SFI1: variants seen among roughly 807,000 people sequenced by gnomAD.
SFI1 encodes protein SFI1 homolog.
Under a neutral mutation model 207.5 loss-of-function variants are expected in SFI1, and 195 were observed. The observed-to-expected ratio is 0.94, with a 90% CI of 0.84 to 1.06. SFI1 has a LOEUF of 1.06. Among genes scored for constraint, SFI1 ranks in the 50% least tolerant of loss-of-function variants. SFI1 has a pLI of 0.00. For synonymous variants in SFI1, 630 were observed against 598.9 expected (o/e 1.05, Z -0.76); for missense variants, 1,634 against 1,588.0 (o/e 1.03, Z -0.49).
chr22:31,599,270 A>G (rs1418955650), intron 15 of SFI1, among the ~76,000 whole-genome samples: 1 of 151,906 alleles, frequency 6.6e-6, no homozygotes, highest in Non-Finnish European at 1.5e-5. Context: ...ATGACGTAGG[A>G]GTCAAGGTTT....
At chr22:31,524,779 C>T (rs1377364916) in intron 2 of SFI1, among the ~76,000 whole-genome samples, 1 of 149,856 alleles carries the variant, frequency 6.7e-6, no homozygotes, top group Non-Finnish European at 1.5e-5. Flanking sequence ...ATAGTTTGCA[C>T]ATATTTTTTA....
intron 31 of SFI1, among the ~76,000 whole-genome samples, chr22:31,617,912 G>C (rs1380646099): frequency 6.6e-6 from 1 of 152,158 alleles, no homozygotes; most frequent in East Asian, 1.9e-4. Context: ...TGTCTGCTGG[G>C]GAGGGCGGAG....
At chr22:31,517,860 C>A (rs1469398269) in intron 2 of SFI1, among the ~76,000 whole-genome samples, 4 of 152,146 alleles carry the variant, frequency 2.6e-5, no homozygotes, top group African/African-American at 7.2e-5. Flanking sequence ...AGCCTGATAT[C>A]TAAGTAAGAC....
intron 6 of SFI1, among the ~76,000 whole-genome samples, chr22:31,552,374 T>G (rs953708823): frequency 2.0e-5 from 3 of 152,080 alleles, no homozygotes; most frequent in Admixed American, 2.0e-4. Context: ...TGCCTCAGCC[T>G]CTCAAGTACC....
chr22:31,514,611 T>G (rs2146863666), intron 2 of SFI1, among the ~76,000 whole-genome samples: 1 of 152,204 alleles, frequency 6.6e-6, no homozygotes, highest in African/African-American at 2.4e-5. Context: ...TCCTAGCCTT[T>G]GGTAACCACC....
chr22:31,540,470 C>T (rs978544988), intron 4 of SFI1, among the ~76,000 whole-genome samples: 1 of 151,496 alleles, frequency 6.6e-6, no homozygotes, highest in Non-Finnish European at 1.5e-5. Context: ...CTAGTAAAGA[C>T]GGGGTTTCAC....
chr22:31,541,936 A>G lies in SFI1; in HGVS notation c.339-4925A>G, dbSNP rs562430040. On this transcript the variant is annotated intron_variant, in intron 4 of 32. Transcript: ENST00000400288. ...GCTAACATGGTGAAACCCCGTCTCT[A>G]CTAAAAATACAAAAATTAGCTGGGC... is the stretch of plus-strand genomic sequence containing the variant. Among the ~76,000 whole-genome samples, 4 of 151,446 alleles carry G rather than the reference A, an allele frequency of 2.6e-5. No homozygotes were observed. The East Asian group carries it at 7.8e-4, about 30-fold the overall frequency.
At chr22:31,538,072 A>G (rs1309562358) in intron 4 of SFI1, among the ~76,000 whole-genome samples, 1 of 152,150 alleles carries the variant, frequency 6.6e-6, no homozygotes, top group African/African-American at 2.4e-5. Flanking sequence ...CCCGGGTTCA[A>G]GCAATTCTCC....
chr22:31,555,821 C>T (rs2061105659), intron 6 of SFI1, among the ~76,000 whole-genome samples: 2 of 152,306 alleles, frequency 1.3e-5, no homozygotes, highest in Admixed American at 6.5e-5. Flanking sequence ...CTGAGGTCCA[C>T]AGTGAAACCA....
At chr22:31,612,976 G>C (rs1363173631) in intron 24 of SFI1, 166 bp from the exon 25 acceptor site, 14 of 651,528 alleles carry the variant, frequency 2.1e-5, no homozygotes, top group Non-Finnish European at 3.1e-5. Context: ...GATGGAGCGT[G>C]TGTTGAGCAT....
chr22:31,593,949 C>G (rs1371000344), intron 15 of SFI1, among the ~76,000 whole-genome samples: 1 of 132,494 alleles, frequency 7.5e-6, no homozygotes, highest in Non-Finnish European at 1.6e-5. Flanking sequence ...AGTCCAGCTT[C>G]GGCTCCGCAT....
chr22:31,613,222 T>G lies in SFI1; in HGVS notation c.2565+6T>G, dbSNP rs959200170. Reference sequence around the variant, plus strand: ...CCTTCTCGCTGCAGGCAAAGGTAATTGGGGCTCTGCATCCTACCATCCCTG... The same window carrying G: ...CCTTCTCGCTGCAGGCAAAGGTAATGGGGGCTCTGCATCCTACCATCCCTG... On this transcript the variant is annotated splice_donor_region_variant and intron_variant, in intron 25 of 32. Coordinates refer to ENST00000400288, the MANE Select transcript of SFI1 (RefSeq NM_001007467.3). 1.2e-6 allele frequency: 2 copies of G among 1,613,500 alleles called. No individual in the cohort carries two copies. Among genetic ancestry groups the G allele is most frequent in the Admixed American group, 1.7e-5 (1 of 59,998 alleles).
At chr22:31,519,603 AT>A (rs2056967513) in intron 2 of SFI1, among the ~76,000 whole-genome samples, 1 of 151,740 alleles carries the variant, frequency 6.6e-6, no homozygotes, top group Non-Finnish European at 1.5e-5. Flanking sequence ...CGCCCAGCTA[AT>A]TTTTTGTATT....
At chr22:31,610,942 C>T (rs2069995798) in intron 22 of SFI1, among the ~76,000 whole-genome samples, 1 of 152,208 alleles carries the variant, frequency 6.6e-6, no homozygotes, top group African/African-American at 2.4e-5. Flanking sequence ...GTTCCAGTCC[C>T]CGGGGGGTTC....
intron 17 of SFI1, among the ~76,000 whole-genome samples, chr22:31,602,997 C>T (rs1172690673): frequency 2.6e-5 from 4 of 152,220 alleles, no homozygotes; most frequent in Admixed American, 2.6e-4. Flanking sequence ...CTTTGGGAGG[C>T]TGAGGCGGGC....
chr22:31,607,967 G>C lies in SFI1; in HGVS notation c.2188G>C (p.Val730Leu), dbSNP rs764895114. ...GGTCCAGTGGCGGGAAGCTGTGTCA[G>C]TGCAGATGTATTACCGACAGCAGGA... ...VLVQWREAVS[V>L]QMYYRQQEDC... The change falls in exon 22 of 33, where the codon GTG (valine) becomes CTG (leucine). Residue 730 changes from valine to leucine, a missense_variant. Val to Leu is a conservative substitution (Grantham distance 32). Transcript: ENST00000400288. 1 of 1,613,964 alleles carries C rather than the reference G, an allele frequency of 6.2e-7. No homozygotes were observed. The highest frequency in any genetic ancestry group is 1.1e-5 in the South Asian group (1 of 91,078).
chr22:31,562,664 C>T (rs1021016320), intron 8 of SFI1, among the ~76,000 whole-genome samples: 1 of 151,600 alleles, frequency 6.6e-6, no homozygotes, highest in Admixed American at 6.6e-5. Flanking sequence ...GACAGAGTCT[C>T]GCTCTGTCAC....
chr22:31,579,997 C>T lies in SFI1; in HGVS notation c.1156-275C>T, dbSNP rs2063921465. ...TGTCATGTGGGTCATGGGGTTCTTT[C>T]CTGGTGTGGGTGTGTTTGTTCTTGT... On this transcript the variant is annotated intron_variant, in intron 11 of 32. Coordinates refer to ENST00000400288, the MANE Select transcript of SFI1 (RefSeq NM_001007467.3). The T allele has an allele frequency of 6.9e-6, 2 of 289,758 alleles. 1 individual carries two copies. Among genetic ancestry groups the T allele is most frequent in the South Asian group, 1.5e-4 (2 of 13,746 alleles). The allele number at this position is 289,758 out of a possible 1,614,324, so 17.9% of individuals were successfully genotyped here.
intron 12 of SFI1, among the ~76,000 whole-genome samples, chr22:31,583,156 C>G (rs943867825): frequency 6.6e-6 from 1 of 152,174 alleles, no homozygotes; most frequent in Non-Finnish European, 1.5e-5. Context: ...TCTTGTTGCC[C>G]AGGCTGGAGT....
Sources: gnomAD v4.1 joint callset for allele counts (sites outside exome capture counted in the v4.1 genomes callset) on GRCh38, gnomAD v4.1.1 for gene constraint, MANE v1.5 for transcripts, NCBI Gene and HGNC (gene_info 2026-07-23, HGNC 2026-07-21) for gene names.